Variants in NR6A1 observed in about 807,000 individuals in gnomAD.
NR6A1 encodes nuclear receptor subfamily 6 group A member 1.
NR6A1 carries 7 observed loss-of-function variants against 59.1 expected under a neutral mutation model. The ratio of observed to expected loss-of-function variants is 0.12; its 90% CI spans 0.07 to 0.22. The LOEUF is 0.22. NR6A1 is among the 10% of genes least tolerant of loss of function. NR6A1 has a pLI of 1.00. For missense variants in NR6A1, 468 were observed against 611.6 expected (o/e 0.77, Z 2.48); for synonymous variants, 243 against 236.1 (o/e 1.03, Z -0.27).
At chr9:124,731,061 G>T (rs1839870179) in intron 2 of NR6A1, among the ~76,000 whole-genome samples, 1 of 152,018 alleles carries the variant, frequency 6.6e-6, no homozygotes, top group African/African-American at 2.4e-5. Context: ...CCTTCCTAGT[G>T]TTCAAAAATG....
rs1295272465 is a variant in NR6A1 at position 124,522,703 on chromosome 9, G to A, written c.*2C>T. On this transcript the variant is annotated 3_prime_UTR_variant, in exon 10 of 10. Coordinates refer to ENST00000487099, the MANE Select transcript of NR6A1 (RefSeq NM_033334.4). ...TGGCCTGAGGAGGGCGCCTGGAACA[G>A]GTCATTCCTTGCCCACACTGGTCTT... 1 of 1,571,170 alleles carries A rather than the reference G, an allele frequency of 6.4e-7. No individual in the cohort carries two copies. The highest frequency in any genetic ancestry group is 8.6e-7 in the Non-Finnish European group (1 of 1,158,638).
At chr9:124,726,142 A>C (rs1357060274) in intron 2 of NR6A1, among the ~76,000 whole-genome samples, 2 of 152,238 alleles carry the variant, frequency 1.3e-5, no homozygotes, top group African/African-American at 2.4e-5. Context: ...TTACATTCAT[A>C]AACACTCAAG....
chr9:124,682,181 T>C (rs1384943979), intron 2 of NR6A1, among the ~76,000 whole-genome samples: 1 of 152,042 alleles, frequency 6.6e-6, no homozygotes, highest in East Asian at 1.9e-4. Flanking sequence ...TTTGTATTTT[T>C]AGTAGAGACA....
chr9:124,690,301 G>A (rs1241083753), intron 2 of NR6A1, among the ~76,000 whole-genome samples: 1 of 152,124 alleles, frequency 6.6e-6, no homozygotes, highest in Admixed American at 6.6e-5. Flanking sequence ...TTTCTTCCAA[G>A]TATATCAAGA....
intron 2 of NR6A1, among the ~76,000 whole-genome samples, chr9:124,702,672 ACCT>A (rs1280502399): frequency 6.6e-6 from 1 of 151,394 alleles, no homozygotes; most frequent in Non-Finnish European, 1.5e-5. Flanking sequence ...AGAGCCTGGC[ACCT>A]CCTCCTCTCT....
chr9:124,608,313 C>T (rs2130836259), intron 2 of NR6A1, among the ~76,000 whole-genome samples: 1 of 151,884 alleles, frequency 6.6e-6, no homozygotes, highest in Non-Finnish European at 1.5e-5. Flanking sequence ...CCCCAACAGG[C>T]CCCAGTGTGT....
intron 2 of NR6A1, among the ~76,000 whole-genome samples, chr9:124,691,219 C>T (rs1017090871): frequency 2.6e-5 from 4 of 152,136 alleles, no homozygotes; most frequent in African/African-American, 9.7e-5. Context: ...GAAAACTCAA[C>T]AAAGCTGGCT....
At chr9:124,601,452 C>T (rs1335293990) in intron 2 of NR6A1, among the ~76,000 whole-genome samples, 3 of 151,262 alleles carry the variant, frequency 2.0e-5, no homozygotes, top group African/African-American at 7.3e-5. Context: ...GGCGTCATGG[C>T]GGGCGCCTGT....
chr9:124,655,808 A>C (rs1837240957), intron 2 of NR6A1, among the ~76,000 whole-genome samples: 1 of 152,240 alleles, frequency 6.6e-6, no homozygotes, highest in Non-Finnish European at 1.5e-5. Context: ...GGGTCAGAAC[A>C]GCTCTGTAAA....
chr9:124,565,782 AC>A (rs1834224186), intron 2 of NR6A1, among the ~76,000 whole-genome samples: 1 of 152,254 alleles, frequency 6.6e-6, no homozygotes, highest in Admixed American at 6.5e-5. Flanking sequence ...ATGAGATATT[AC>A]ATAGCCATCA....
intron 2 of NR6A1, among the ~76,000 whole-genome samples, chr9:124,647,021 C>A (rs2130913316): frequency 6.6e-6 from 1 of 152,334 alleles, no homozygotes; most frequent in South Asian, 2.1e-4. Flanking sequence ...CTCAAATGAT[C>A]TTCCTGCCTC....
At chr9:124,580,475 A>C (rs1834732545) in intron 2 of NR6A1, among the ~76,000 whole-genome samples, 1 of 152,162 alleles carries the variant, frequency 6.6e-6, no homozygotes, top group African/African-American at 2.4e-5. Flanking sequence ...TACTATTTTA[A>C]AATTCATATG....
At chr9:124,543,199 GTC>G (rs1833500339) in intron 4 of NR6A1, among the ~76,000 whole-genome samples, 1 of 152,120 alleles carries the variant, frequency 6.6e-6, no homozygotes, top group South Asian at 2.1e-4. Flanking sequence ...TTTCTTGAGT[GTC>G]TCTAGTCCCC....
intron 2 of NR6A1, among the ~76,000 whole-genome samples, chr9:124,713,162 A>C (rs1839325068): frequency 6.6e-6 from 1 of 152,234 alleles, no homozygotes; most frequent in Non-Finnish European, 1.5e-5. Context: ...TCAATGGAGA[A>C]AGAATAATCA....
chr9:124,531,726 T>C (rs1430618614), intron 7 of NR6A1, among the ~76,000 whole-genome samples: 1 of 152,204 alleles, frequency 6.6e-6, no homozygotes, highest in African/African-American at 2.4e-5. Flanking sequence ...TGCTCCTTCA[T>C]CCTGGCTAAG....
chr9:124,757,554 T>C (rs561098800), intron 1 of NR6A1, among the ~76,000 whole-genome samples: 1 of 152,192 alleles, frequency 6.6e-6, no homozygotes, highest in South Asian at 2.1e-4. Context: ...TTCCCTTCGT[T>C]TTCCATATTC....
In NR6A1 at chr9:124,730,396, T is replaced by C. The variant is rs118026716; in HGVS notation, c.142+2912A>G. 3.0e-4 allele frequency among the ~76,000 whole-genome samples: 45 copies of C among 151,994 alleles called. No individual in the cohort carries two copies. In the East Asian group the frequency reaches 8.6e-3, roughly 29 times the overall value. On this transcript the variant is annotated intron_variant, in intron 2 of 9. Coordinates refer to ENST00000487099, the MANE Select transcript of NR6A1 (RefSeq NM_033334.4). The stretch of plus-strand genomic sequence containing the variant: ...GCACATGCCACCACACCTGGATAAT[T>C]TTTAAATTTTCTTTGCAGAGACGGG...
chr9:124,533,036 T>C (rs1833144838), intron 7 of NR6A1, among the ~76,000 whole-genome samples: 1 of 152,178 alleles, frequency 6.6e-6, no homozygotes. Flanking sequence ...ATGGGATGCA[T>C]TATGAAGCTC....
At chr9:124,542,688 C>A (rs1397247924) in intron 4 of NR6A1, among the ~76,000 whole-genome samples, 1 of 152,166 alleles carries the variant, frequency 6.6e-6, no homozygotes, top group Non-Finnish European at 1.5e-5. Flanking sequence ...CCTCTTGGCT[C>A]ATACCAGTAA....
Sources: gnomAD v4.1 joint callset for allele counts (sites outside exome capture counted in the v4.1 genomes callset) on GRCh38, gnomAD v4.1.1 for gene constraint, MANE v1.5 for transcripts, NCBI Gene and HGNC (gene_info 2026-07-23, HGNC 2026-07-21) for gene names.